The following PTPRM variants were observed in gnomAD, a reference collection of about 807,000 sequenced individuals.
PTPRM encodes the protein receptor-type tyrosine-protein phosphatase mu.
PTPRM carries 47 observed loss-of-function variants against 186.7 expected under a neutral mutation model. That is an observed-to-expected ratio of 0.25 (90% CI 0.20 to 0.32). The LOEUF (loss-of-function observed/expected upper bound fraction) is 0.32, where lower values mean the gene tolerates loss of function less well. Ranked by LOEUF, PTPRM falls within the 10% of genes least tolerant of loss-of-function variation. The pLI is 1.00. For missense variants in PTPRM, 1,494 were observed against 1,865.0 expected (o/e 0.80, Z 3.66); for synonymous variants, 668 against 674.9 (o/e 0.99, Z 0.16).
intron 31 of PTPRM, among the ~76,000 whole-genome samples, chr18:8,388,145 A>G (rs1297988491): frequency 6.6e-6 from 1 of 152,226 alleles, no homozygotes; most frequent in Non-Finnish European, 1.5e-5. Flanking sequence ...TGGCAGTGAT[A>G]TGTAGCTAAT....
At chr18:8,074,845 G>A (rs1233367476) in intron 8 of PTPRM, among the ~76,000 whole-genome samples, 1 of 152,100 alleles carries the variant, frequency 6.6e-6, no homozygotes, top group Non-Finnish European at 1.5e-5. Flanking sequence ...CTCCCATTCT[G>A]TGTCTTGTCT....
intron 14 of PTPRM, among the ~76,000 whole-genome samples, chr18:8,144,459 A>G (rs1268421932): frequency 6.6e-6 from 1 of 152,158 alleles, no homozygotes; most frequent in Non-Finnish European, 1.5e-5. Context: ...CTGTCTCTAC[A>G]ATAAATACAA....
At chr18:7,996,798 C>CA (rs202230386) in intron 7 of PTPRM, among the ~76,000 whole-genome samples, 12,101 of 117,476 alleles carry the variant, frequency 0.1, 634 homozygotes, top group Middle Eastern at 0.34. Context: ...CAGTAGTTAC[C>CA]AAAAAAAAAA....
At chr18:8,306,032 G>A (rs1476868559) in intron 20 of PTPRM, among the ~76,000 whole-genome samples, 1 of 151,946 alleles carries the variant, frequency 6.6e-6, no homozygotes, top group Non-Finnish European at 1.5e-5. Flanking sequence ...CAAGTAGCTG[G>A]GATTACAGGC....
intron 1 of PTPRM, among the ~76,000 whole-genome samples, chr18:7,605,719 A>C (rs2037515297): frequency 6.6e-6 from 1 of 152,186 alleles, no homozygotes; most frequent in African/African-American, 2.4e-5. Flanking sequence ...GTTTTGCTTA[A>C]GCGTGTGAGG....
intron 2 of PTPRM, among the ~76,000 whole-genome samples, chr18:7,877,987 CT>C (rs1181093781): frequency 9.9e-5 from 15 of 152,166 alleles, no homozygotes; most frequent in Non-Finnish European, 1.6e-4. Context: ...TCCCCTGCTT[CT>C]TTCTTTCCTG....
At position 8,025,869 on chromosome 18, in the gene PTPRM, T is replaced by C. The variant is rs78354710; in HGVS notation, c.1133-43817T>C. Among the ~76,000 whole-genome samples the C allele has an allele frequency of 9.6e-4, 146 of 152,320 alleles. 1 individual carries two copies. In the East Asian group the frequency reaches 0.011, roughly 11 times the overall value. ...TAGCTGTCTATCATGAAGCCCTTTC[T>C]GTCTACTCCCTGAGAACTTCAGTTA... On this transcript the variant is annotated intron_variant, in intron 7 of 32. Coordinates refer to ENST00000580170, the MANE Select transcript of PTPRM (RefSeq NM_001105244.2).
intron 23 of PTPRM, among the ~76,000 whole-genome samples, chr18:8,370,575 A>G (rs577786678): frequency 7.2e-4 from 110 of 152,326 alleles, no homozygotes; most frequent in African/African-American, 2.6e-3. Flanking sequence ...TTCACAGTTT[A>G]TTTTTGCAGG....
intron 31 of PTPRM, among the ~76,000 whole-genome samples, chr18:8,390,783 C>A (rs911540847): frequency 6.6e-6 from 1 of 151,984 alleles, no homozygotes; most frequent in Non-Finnish European, 1.5e-5. Context: ...AAAAAATTAG[C>A]CGGGCGCAGT....
intron 1 of PTPRM, among the ~76,000 whole-genome samples, chr18:7,615,037 T>A (rs952769267): frequency 6.6e-6 from 1 of 152,042 alleles, no homozygotes; most frequent in Non-Finnish European, 1.5e-5. Context: ...ACCGAGTGGC[T>A]TTTTTCTGTA....
At chr18:7,913,025 G>A (rs888927991) in intron 4 of PTPRM, among the ~76,000 whole-genome samples, 14 of 152,136 alleles carry the variant, frequency 9.2e-5, no homozygotes, top group Non-Finnish European at 4.4e-5. Flanking sequence ...TCCTTTAATA[G>A]TGTTTGTGGT....
intron 2 of PTPRM, among the ~76,000 whole-genome samples, chr18:7,851,870 C>T (rs2046877695): frequency 6.6e-6 from 1 of 152,060 alleles, no homozygotes; most frequent in South Asian, 2.1e-4. Context: ...AAATATGTGA[C>T]AGCAATAGCT....
chr18:8,212,563 G>T (rs1198753088), intron 14 of PTPRM, among the ~76,000 whole-genome samples: 2 of 152,154 alleles, frequency 1.3e-5, no homozygotes, highest in Non-Finnish European at 1.5e-5. Context: ...AGTGCTTTGT[G>T]GGGGGCCAAG....
intron 3 of PTPRM, among the ~76,000 whole-genome samples, chr18:7,892,978 G>A (rs898225725): frequency 3.9e-5 from 6 of 152,142 alleles, no homozygotes; most frequent in Non-Finnish European, 7.4e-5. Context: ...GGGTTTCAGC[G>A]TGAACTTGGG....
At chr18:8,153,567 A>G (rs1443200354) in intron 14 of PTPRM, among the ~76,000 whole-genome samples, 1 of 152,216 alleles carries the variant, frequency 6.6e-6, no homozygotes, top group Non-Finnish European at 1.5e-5. Flanking sequence ...TGTCAGATGA[A>G]TTAGCCAGTA....
intron 4 of PTPRM, among the ~76,000 whole-genome samples, chr18:7,922,013 A>G (rs958571781): frequency 4.0e-5 from 6 of 151,762 alleles, no homozygotes; most frequent in Non-Finnish European, 8.8e-5. Flanking sequence ...TTTGTTTTTT[A>G]TTGGACATTT....
intron 13 of PTPRM, among the ~76,000 whole-genome samples, chr18:8,115,226 G>C (rs377627199): frequency 6.6e-6 from 1 of 152,240 alleles, no homozygotes; most frequent in East Asian, 1.9e-4. Flanking sequence ...TTTTTAAGTA[G>C]TTCTCTAGTT....
chr18:7,889,884 C>T (rs1014695812), intron 3 of PTPRM, among the ~76,000 whole-genome samples: 7 of 152,154 alleles, frequency 4.6e-5, no homozygotes, highest in African/African-American at 1.7e-4. Context: ...ATTTTGGGGG[C>T]TCTGTGGAGA....
intron 14 of PTPRM, among the ~76,000 whole-genome samples, chr18:8,197,991 G>A (rs945393068): frequency 4.6e-5 from 7 of 152,162 alleles, no homozygotes; most frequent in Admixed American, 3.9e-4. Flanking sequence ...AGTCTGATGG[G>A]TAGAAACAGC....
Sources: gnomAD v4.1 joint callset for allele counts (sites outside exome capture counted in the v4.1 genomes callset) on GRCh38, gnomAD v4.1.1 for gene constraint, MANE v1.5 for transcripts, NCBI Gene and HGNC (gene_info 2026-07-23, HGNC 2026-07-21) for gene names.